Variants in GRHL3 observed in about 807,000 individuals in gnomAD.
GRHL3 encodes grainyhead-like protein 3 homolog.
Under a neutral mutation model 70.3 loss-of-function variants are expected in GRHL3, and 20 were observed. The ratio of observed to expected loss-of-function variants is 0.28; its 90% CI spans 0.20 to 0.41. The LOEUF is 0.41. GRHL3 is among the 10% of genes least tolerant of loss of function. The pLI is 1.00. For missense variants in GRHL3, 637 were observed against 762.3 expected, an observed-to-expected ratio of 0.84 and a Z score of 1.94; for synonymous variants, 299 against 299.9, an observed-to-expected ratio of 1.00 and a Z score of 0.03.
At chr1:24,325,559 G>A (rs1202528274) in intron 1 of GRHL3, among the ~76,000 whole-genome samples, 1 of 152,204 alleles carries the variant, frequency 6.6e-6, no homozygotes, top group Non-Finnish European at 1.5e-5. Flanking sequence ...TGGGCATTTT[G>A]ACTCAGAAGA....
At chr1:24,335,584 ATTTTT>A (rs11382769) in intron 3 of GRHL3, among the ~76,000 whole-genome samples, 1 of 142,896 alleles carries the variant, frequency 7.0e-6, no homozygotes, top group African/African-American at 2.6e-5. Flanking sequence ...CTCAAAACTA[ATTTTT>A]TTTTTTTTTT....
chr1:24,332,021 C>A (rs941283976), intron 2 of GRHL3, among the ~76,000 whole-genome samples: 1 of 152,208 alleles, frequency 6.6e-6, no homozygotes, highest in African/African-American at 2.4e-5. Context: ...CACGTGTTGA[C>A]CAAGTGGACA....
intron 15 of GRHL3, among the ~76,000 whole-genome samples, chr1:24,351,432 C>A (rs1640503490): frequency 6.6e-6 from 1 of 151,998 alleles, no homozygotes; most frequent in African/African-American, 2.4e-5. Flanking sequence ...TAGCTGCATG[C>A]ATGTCTAGAG....
intron 8 of GRHL3, among the ~76,000 whole-genome samples, 184 bp downstream of exon 8, chr1:24,339,946 C>T (rs746231664): frequency 4.6e-5 from 7 of 152,216 alleles, no homozygotes; most frequent in Non-Finnish European, 1.0e-4. Flanking sequence ...GTCCGCATCC[C>T]ACCCTTCCAC....
downstream of GRHL3, among the ~76,000 whole-genome samples, chr1:24,356,640 T>G (rs1391309596): frequency 2.0e-5 from 3 of 152,240 alleles, no homozygotes; most frequent in African/African-American, 7.2e-5. Flanking sequence ...TTTCTTTGGC[T>G]ATAAAATGCA....
chr1:24,319,712 T>C (rs1639107587), intron 1 of GRHL3, 144 bp downstream of exon 1: 11 of 1,583,580 alleles, frequency 6.9e-6, no homozygotes, highest in Non-Finnish European at 9.4e-6. Flanking sequence ...GATCTTACTT[T>C]GGCGTGTCAA....
chr1:24,362,661 TGACA>T (rs758266194), intron 15 of GRHL3, among the ~76,000 whole-genome samples: 12 of 152,326 alleles, frequency 7.9e-5, no homozygotes, highest in East Asian at 1.9e-4. Context: ...TGCTGCTTGG[TGACA>T]GACAGGCAAC....
intron 3 of GRHL3, among the ~76,000 whole-genome samples, chr1:24,335,683 A>T (rs910635090): frequency 2.6e-5 from 4 of 151,850 alleles, no homozygotes; most frequent in East Asian, 3.9e-4. Context: ...CCCGGGTTCA[A>T]GCCATTCTTC....
chr1:24,324,650 C>T (rs182360694), intron 1 of GRHL3, among the ~76,000 whole-genome samples: 5 of 152,168 alleles, frequency 3.3e-5, no homozygotes, highest in African/African-American at 7.2e-5. Flanking sequence ...CCTCAATGAA[C>T]GGTAGCTCTC....
chr1:24,341,995 C>G (rs1640060117), intron 8 of GRHL3, 120 bp from the exon 9 acceptor site: 1 of 872,232 alleles, frequency 1.1e-6, no homozygotes, highest in Admixed American at 2.5e-5. Context: ...TTCTAGGGGC[C>G]TAGTGAGGCT....
chr1:24,360,920 T>C (rs373923229), intron 15 of GRHL3: 5 of 1,613,868 alleles, frequency 3.1e-6, no homozygotes, highest in Admixed American at 3.3e-5. Context: ...AATGATGCAC[T>C]AGAGATGAAA....
rs959146146 is a variant in GRHL3, at chr1:24,321,125, A to G, written c.17+1557A>G. 3.5e-4 allele frequency among the ~76,000 whole-genome samples: 54 copies of G among 152,244 alleles called. No individual in the cohort carries two copies. The highest frequency in any genetic ancestry group is 1.3e-3 in the African/African-American group (52 of 41,458). ...CCATCCCACTTAAATTTGCTGGCTA[A>G]AACTGCGGAGGCTACAGACAGAATC... is the stretch of plus-strand genomic sequence containing the variant. On this transcript the variant is annotated intron_variant, in intron 1 of 15. Coordinates refer to ENST00000361548, the MANE Select transcript of GRHL3 (RefSeq NM_198173.3). This position sits in a 1 kb window ranked among gnomAD's most constrained non-coding sequence, Gnocchi z 4.0.
rs934742398 is a variant in GRHL3 at position 24,322,344 on chromosome 1, C to G, written c.17+2776C>G. On this transcript the variant is annotated intron_variant, in intron 1 of 15. Coordinates refer to ENST00000361548, the MANE Select transcript of GRHL3 (RefSeq NM_198173.3). The surrounding 1 kb of genome is among the most constrained non-coding windows in gnomAD (Gnocchi z 4.4). ...ACCGCGGCCGCCGCCGCCGTTCTAT[C>G]TGATCTCCAGGAGCGCCGGCTCCAG... is the stretch of plus-strand genomic sequence containing the variant. Among the ~76,000 whole-genome samples the G allele has an allele frequency of 6.6e-6, 1 of 152,170 alleles. No individual in the cohort carries two copies.
chr1:24,323,508 G>C (rs1450530899), intron 1 of GRHL3, among the ~76,000 whole-genome samples: 4 of 152,174 alleles, frequency 2.6e-5, no homozygotes, highest in Non-Finnish European at 5.9e-5. Context: ...TGAGAGCTTA[G>C]TTCCAAGATC....
chr1:24,344,870 G>T, intron 11 of GRHL3, 27 bp from the exon 12 acceptor site: 9 of 1,613,608 alleles, frequency 5.6e-6, no homozygotes, highest in Non-Finnish European at 7.6e-6. Flanking sequence ...GCGTGTGATG[G>T]AAAATGTCTT....
chr1:24,358,569 C>T, downstream of GRHL3: 1 of 1,614,120 alleles, frequency 6.2e-7, no homozygotes, highest in Non-Finnish European at 8.5e-7. Context: ...CATTTCTTGT[C>T]CTCGTTGTAG....
intron 14 of GRHL3, among the ~76,000 whole-genome samples, chr1:24,349,004 T>C (rs939425048): frequency 6.6e-6 from 1 of 152,238 alleles, no homozygotes; most frequent in Admixed American, 6.5e-5. Context: ...CTGAGCCCTT[T>C]ACACAATCGT....
intron 15 of GRHL3, chr1:24,361,055 A>G (rs926445672): frequency 6.3e-7 from 1 of 1,597,574 alleles, no homozygotes; most frequent in Admixed American, 1.7e-5. Flanking sequence ...TGGGAAAGAT[A>G]AAACGGGAAG....
Position 24,321,474 on chromosome 1 carries a change from A to C in GRHL3, c.17+1906A>C, listed in dbSNP as rs555413825. Reference sequence around the variant, plus strand: ...CCTCGACATTCTCCTAAAAAGTGCCAAGTTAAGAGGACTGGCCATAGCTTA... The same window carrying C: ...CCTCGACATTCTCCTAAAAAGTGCCCAGTTAAGAGGACTGGCCATAGCTTA... On this transcript the variant is annotated intron_variant, in intron 1 of 15. Transcript: ENST00000361548. The surrounding 1 kb of genome is among the most constrained non-coding windows in gnomAD (Gnocchi z 4.0). Among the ~76,000 whole-genome samples the C allele has an allele frequency of 2.6e-5, 4 of 152,226 alleles. No individual in the cohort carries two copies. The highest frequency in any genetic ancestry group is 2.0e-4 in the Admixed American group (3 of 15,290).
Sources: gnomAD v4.1 joint callset for allele counts (sites outside exome capture counted in the v4.1 genomes callset) on GRCh38, gnomAD v4.1.1 for gene constraint, Gnocchi (gnomAD v3.1) non-coding constraint, MANE v1.5 for transcripts, NCBI Gene and HGNC (gene_info 2026-07-23, HGNC 2026-07-21) for gene names.